TRRAP: variants seen among roughly 807,000 people sequenced by gnomAD.
TRRAP encodes transformation/transcription domain associated protein.
TRRAP carries 41 observed loss-of-function variants against 438.8 expected under a neutral mutation model. The observed-to-expected ratio is 0.09, with a 90% CI of 0.07 to 0.12. The LOEUF (loss-of-function observed/expected upper bound fraction) is 0.12, where lower values mean the gene tolerates loss of function less well. Ranked by LOEUF, TRRAP falls within the 10% of genes least tolerant of loss-of-function variation. The pLI is 1.00. For missense variants in TRRAP, 3,122 were observed against 5,055.1 expected (o/e 0.62, Z 11.60); for synonymous variants, 1,994 against 1,962.9 (o/e 1.02, Z -0.42).
chr7:98,927,444 TTTG>T (rs782255555), intron 23 of TRRAP, 78 bp downstream of exon 23: 32 of 1,513,004 alleles, frequency 2.1e-5, no homozygotes, highest in Non-Finnish European at 2.8e-5. Context: ...CTCAGGACAT[TTTG>T]TTGTTCTAGA....
chr7:98,906,125 T>G, intron 12 of TRRAP, 52 bp from the exon 13 acceptor site: 1 of 1,519,906 alleles, frequency 6.6e-7, no homozygotes, highest in Non-Finnish European at 9.1e-7. Context: ...AGTAATTTAA[T>G]GTGTGTAATT....
rs1274494113 is a variant in TRRAP, at chr7:98,901,977, A to G, written c.897+1257A>G. Among the ~76,000 whole-genome samples the G allele has an allele frequency of 2.0e-5, 3 of 152,236 alleles. No individual in the cohort carries two copies. In the East Asian group the frequency reaches 5.8e-4, roughly 29 times the overall value. On this transcript the variant is annotated intron_variant, in intron 11 of 72. Coordinates refer to ENST00000456197, the MANE Select transcript of TRRAP (RefSeq NM_001375524.1). ...AATTTTAGAATAACGTCATCATCCC[A>G]AAAAGAAACCCTGTCCCATCAGCAG...
chr7:98,957,357 A>G (rs183391026), intron 43 of TRRAP, among the ~76,000 whole-genome samples: 169 of 152,278 alleles, frequency 1.1e-3, no homozygotes, highest in African/African-American at 3.8e-3. Flanking sequence ...TTCCTTTTGC[A>G]TCTTGAATCA....
chr7:98,992,006 T>C (rs536040103), intron 64 of TRRAP, 131 bp from the exon 65 acceptor site: 4 of 961,200 alleles, frequency 4.2e-6, no homozygotes, highest in Non-Finnish European at 6.6e-6. Flanking sequence ...TGCTGCAGTA[T>C]TTGCTTCCTT....
chr7:98,943,423 T>C (rs531124468), intron 31 of TRRAP, among the ~76,000 whole-genome samples: 1 of 152,302 alleles, frequency 6.6e-6, no homozygotes, highest in South Asian at 2.1e-4. Flanking sequence ...TCGGTAAATG[T>C]GTTTAATCAT....
intron 31 of TRRAP, 132 bp downstream of exon 31, chr7:98,943,149 T>A: frequency 1.2e-6 from 1 of 830,666 alleles, no homozygotes; most frequent in Non-Finnish European, 1.9e-6. Context: ...TGTAAATTGT[T>A]AAACACATTT....
At position 98,970,102 on chromosome 7, in the gene TRRAP, C is replaced by A; in HGVS notation, c.7513-10C>A. The stretch of plus-strand genomic sequence containing the variant: ...GCCTTGGGTCTGTCTCCTTTCCGCA[C>A]CCCTTGCAGCTGCTTCTGGCCGTGT... On this transcript the variant is annotated splice_polypyrimidine_tract_variant and intron_variant, in intron 51 of 72. Transcript: ENST00000456197. 6.2e-7 allele frequency: 1 copy of A among 1,613,244 alleles called. No individual in the cohort carries two copies. The highest frequency in any genetic ancestry group is 1.1e-5 in the South Asian group (1 of 91,030).
chr7:98,946,428 TGCACACAC>T (rs1401923215), intron 33 of TRRAP, among the ~76,000 whole-genome samples: 1 of 151,484 alleles, frequency 6.6e-6, no homozygotes, highest in African/African-American at 2.4e-5. Flanking sequence ...ACACCACACA[TGCACACAC>T]ACCGATGCAC....
At chr7:98,989,060 G>A (rs1187390645) in intron 63 of TRRAP, 94 bp downstream of exon 63, 13 of 1,320,176 alleles carry the variant, frequency 9.8e-6, no homozygotes, top group Non-Finnish European at 1.4e-5. Flanking sequence ...CGTGCCGGGT[G>A]TGAGGCATGA....
At position 98,908,653 on chromosome 7, in the gene TRRAP, G is replaced by C. The variant is rs1554407915; in HGVS notation, c.1116-75G>C. 2 of 1,372,802 alleles carry C rather than the reference G, an allele frequency of 1.5e-6. No individual in the cohort carries two copies. Among genetic ancestry groups the C allele is most frequent in the African/African-American group, 2.9e-5 (2 of 69,764 alleles). The allele number at this position is 1,372,802 out of a possible 1,614,324, so 85.0% of individuals were successfully genotyped here. A position where few individuals can be genotyped will look rare whatever the true frequency, so the allele number is the denominator to read the frequency against. On this transcript the variant is annotated intron_variant, in intron 13 of 72. Coordinates refer to ENST00000456197, the MANE Select transcript of TRRAP (RefSeq NM_001375524.1). The surrounding 1 kb of genome is among the most constrained non-coding windows in gnomAD (Gnocchi z 4.1). The stretch of plus-strand genomic sequence containing the variant: ...AGGGGTGGTGTTCCTGGGGCAGATG[G>C]TGATATCCTTGGTGGCCTGCTGCAG...
chr7:98,893,974 T>TA, intron 6 of TRRAP, 93 bp downstream of exon 6: 1 of 1,148,810 alleles, frequency 8.7e-7, no homozygotes, highest in Middle Eastern at 2.2e-4. Flanking sequence ...GCTGAACACA[T>TA]ACTGTTTTCA....
At chr7:98,881,721 C>A (rs1201010739) in intron 2 of TRRAP, 3 of 444,736 alleles carry the variant, frequency 6.7e-6, no homozygotes, top group Non-Finnish European at 1.2e-5. Flanking sequence ...GTAATACTGG[C>A]TGGAGCCCCA....
chr7:98,925,821 A>G (rs1554411452), intron 22 of TRRAP, among the ~76,000 whole-genome samples: 1 of 152,198 alleles, frequency 6.6e-6, no homozygotes, highest in South Asian at 2.1e-4. Flanking sequence ...GATGCTGAGT[A>G]TATAGTAGGT....
chr7:98,966,570 G>A (rs1374301742), intron 49 of TRRAP, among the ~76,000 whole-genome samples: 1 of 151,896 alleles, frequency 6.6e-6, no homozygotes, highest in African/African-American at 2.4e-5. Context: ...CTGTAATCCC[G>A]GCTGCTCAGG....
chr7:98,882,814 A>G (rs1013154084), intron 3 of TRRAP, among the ~76,000 whole-genome samples: 2 of 150,982 alleles, frequency 1.3e-5, no homozygotes, highest in African/African-American at 4.9e-5. Flanking sequence ...GGTGTGCACC[A>G]CACCCGGCTG....
chr7:98,919,001 GA>G (rs1406083108), intron 20 of TRRAP, among the ~76,000 whole-genome samples: 2 of 148,792 alleles, frequency 1.3e-5, no homozygotes, highest in East Asian at 2.0e-4. Context: ...AAAAAAAAAA[GA>G]AAAAAAGGTT....
At chr7:98,957,552 C>A (rs140343445) in intron 43 of TRRAP, among the ~76,000 whole-genome samples, 3 of 152,156 alleles carry the variant, frequency 2.0e-5, no homozygotes, top group African/African-American at 7.2e-5. Flanking sequence ...TGGCTCTTGG[C>A]CCCCAGCACC....
At chr7:98,886,769 G>A (rs1258913639) in intron 3 of TRRAP, among the ~76,000 whole-genome samples, 2 of 152,074 alleles carry the variant, frequency 1.3e-5, no homozygotes, top group Non-Finnish European at 2.9e-5. Context: ...ATTATTAAAT[G>A]GGCCATCTTT....
Position 98,964,620 on chromosome 7 carries a change from A to G in TRRAP, c.6830-9A>G, listed in dbSNP as rs762575634. 5.0e-6 allele frequency: 8 copies of G among 1,602,850 alleles called. No homozygotes were observed. The highest frequency in any genetic ancestry group is 1.1e-5 in the South Asian group (1 of 88,488). On this transcript the variant is annotated splice_polypyrimidine_tract_variant and intron_variant, in intron 47 of 72. Coordinates refer to ENST00000456197, the MANE Select transcript of TRRAP (RefSeq NM_001375524.1). ...TTCTGTGAAACACTTGGCAATTTCTACATTTTAGGGACCCTTATGATCCTC... is the reference window on the plus strand; with the variant it reads ...TTCTGTGAAACACTTGGCAATTTCTGCATTTTAGGGACCCTTATGATCCTC...
Sources: allele counts gnomAD v4.1 joint callset (sites outside exome capture counted in the v4.1 genomes callset), GRCh38; gene constraint gnomAD v4.1.1; non-coding constraint Gnocchi (gnomAD v3.1); transcripts MANE v1.5; gene names NCBI Gene and HGNC (gene_info 2026-07-23, HGNC 2026-07-21).